The following SAMD4B variants were observed in gnomAD, a reference collection of about 807,000 sequenced individuals.
The protein encoded by SAMD4B is sterile alpha motif domain containing 4B, also known as protein Smaug homolog 2.
SAMD4B carries 5 observed loss-of-function variants against 74.5 expected under a neutral mutation model. That is an observed-to-expected ratio of 0.07 (90% CI 0.04 to 0.14). The LOEUF is 0.14. SAMD4B is among the 10% of genes least tolerant of loss of function. The pLI is 1.00. For synonymous variants in SAMD4B, 373 were observed against 374.9 expected (o/e 1.00, Z 0.06); for missense variants, 608 against 921.8 (o/e 0.66, Z 4.41).
intron 3 of SAMD4B, among the ~76,000 whole-genome samples, chr19:39,358,980 C>T (rs2076493856): frequency 6.6e-6 from 1 of 152,228 alleles, no homozygotes; most frequent in South Asian, 2.1e-4. Context: ...GACGGTTACT[C>T]AGGCCAGGGG....
At chr19:39,358,069 G>A (rs28519468) in intron 3 of SAMD4B, among the ~76,000 whole-genome samples, 3,907 of 152,142 alleles carry the variant, frequency 0.026, 162 homozygotes, top group African/African-American at 0.084. Flanking sequence ...TCGGGAGTTC[G>A]AGACCAGCCT....
downstream of SAMD4B, chr19:39,388,187 A>G: frequency 1.3e-6 from 1 of 741,530 alleles, no homozygotes; most frequent in Non-Finnish European, 2.2e-6. Flanking sequence ...AACCAAGTCC[A>G]GCTCATGTGC....
intron 7 of SAMD4B, among the ~76,000 whole-genome samples, chr19:39,377,261 A>T (rs1199222383): frequency 6.6e-6 from 1 of 152,158 alleles, no homozygotes; most frequent in Non-Finnish European, 1.5e-5. Context: ...CTCCAACATT[A>T]GACTGGCTTT....
At chr19:39,359,192 A>G (rs1302900740) in intron 3 of SAMD4B, among the ~76,000 whole-genome samples, 1 of 152,194 alleles carries the variant, frequency 6.6e-6, no homozygotes, top group African/African-American at 2.4e-5. Flanking sequence ...GGGGCAGGCC[A>G]GTGTCTTACA....
Position 39,383,430 on chromosome 19 carries a change from CCTGAGTGCCTTTT to C in SAMD4B, c.2057-66_2057-54del, listed in dbSNP as rs2145900542. 6.3e-7 allele frequency: 1 copy of C among 1,584,850 alleles called. No homozygotes were observed. Among genetic ancestry groups the C allele is most frequent in the East Asian group, 2.2e-5 (1 of 44,724 alleles). The stretch of plus-strand genomic sequence containing the variant: ...AGGGCCTGACTGGGATGACAGGCTA[CCTGAGTGCCTTTT>C]CTTGGGCCTCCCTCCAGCTCCTGAT... On this transcript the variant is annotated intron_variant, in intron 13 of 13. Transcript: ENST00000610417. This position sits in a 1 kb window ranked among gnomAD's most constrained non-coding sequence, Gnocchi z 4.1.
chr19:39,365,074 C>A lies in SAMD4B; in HGVS notation c.197-4581C>A, dbSNP rs2076874591. 1.3e-5 allele frequency among the ~76,000 whole-genome samples: 2 copies of A among 150,266 alleles called. 1 individual carries two copies. Among genetic ancestry groups the A allele is most frequent in the South Asian group, 4.2e-4 (2 of 4,764 alleles). ...CTAACACGGTGAAACCCCATCTCTA[C>A]TAAAAATACAAAAAAAAATAAATTA... On this transcript the variant is annotated intron_variant, in intron 3 of 13. Transcript: ENST00000610417.
chr19:39,365,355 A>ACTAG (rs2076899366), intron 3 of SAMD4B, among the ~76,000 whole-genome samples: 1 of 151,794 alleles, frequency 6.6e-6, no homozygotes, highest in South Asian at 2.1e-4. Flanking sequence ...GAAGCTTGAT[A>ACTAG]CTAGCATGGC....
chr19:39,390,697 C>T, downstream of SAMD4B: 1 of 1,050,012 alleles, frequency 9.5e-7, no homozygotes. Flanking sequence ...GGAACCCGCC[C>T]CCTTCGTCAA....
At chr19:39,386,703 C>T (rs552440670), downstream of SAMD4B, 6 of 1,613,196 alleles carry the variant, frequency 3.7e-6, no homozygotes, top group African/African-American at 5.3e-5. The surrounding 1 kb of genome is among the most constrained non-coding windows in gnomAD (Gnocchi z 6.1). Context: ...CCTGAGCTTC[C>T]AGTTCCTTCT....
chr19:39,362,901 T>C (rs1287171849), intron 3 of SAMD4B, among the ~76,000 whole-genome samples: 1 of 152,046 alleles, frequency 6.6e-6, no homozygotes, highest in African/African-American at 2.4e-5. Context: ...AAGTGAGTCA[T>C]CAGAGCTCAG....
At chr19:39,356,618 C>G (rs2076356511) in intron 2 of SAMD4B, 71 bp from the exon 3 acceptor site, 1 of 322,740 alleles carries the variant, frequency 3.1e-6, no homozygotes, top group East Asian at 5.4e-5. Flanking sequence ...CCTTCATGCC[C>G]CCTCAACCCA....
downstream of SAMD4B, chr19:39,389,706 T>A: frequency 6.2e-7 from 1 of 1,614,086 alleles, no homozygotes. The surrounding 1 kb of genome is among the most constrained non-coding windows in gnomAD (Gnocchi z 5.3). Flanking sequence ...TCTGGCTCAG[T>A]CAGGAGGTCA....
downstream of SAMD4B, chr19:39,389,011 G>A (rs755343894): frequency 6.2e-6 from 10 of 1,614,038 alleles, no homozygotes; most frequent in Non-Finnish European, 5.1e-6. This position sits in a 1 kb window ranked among gnomAD's most constrained non-coding sequence, Gnocchi z 5.3. Context: ...GTAATGCTGT[G>A]AGATCTGGTG....
rs746588136 is a variant in SAMD4B at position 39,380,746 on chromosome 19, T to C, written c.1809T>C (p.His603=). ...PSGIGGVSPR[H]ALTSPSLGGQ... is the part of the protein sequence containing the mutation. ...GCATTGGGGGTGTCTCCCCTCGACA[T>C]GCCCTCACCAGCCCCAGCCTTGGAG... Residue 603 remains histidine, a synonymous_variant, in exon 11 of 14, where the codon CAT becomes CAC. Coordinates refer to ENST00000610417, the MANE Select transcript of SAMD4B (RefSeq NM_001384574.2). 2 of 1,589,664 alleles carry C rather than the reference T, an allele frequency of 1.3e-6. No individual in the cohort carries two copies. The highest frequency in any genetic ancestry group is 1.1e-5 in the South Asian group (1 of 88,436).
intron 3 of SAMD4B, among the ~76,000 whole-genome samples, chr19:39,364,716 A>C (rs2076854349): frequency 6.6e-6 from 1 of 152,232 alleles, no homozygotes; most frequent in African/African-American, 2.4e-5. Context: ...TTGGGAGGGC[A>C]GGAAAGACAA....
chr19:39,352,014 T>C (rs185781909), intron 1 of SAMD4B: 57 of 152,338 alleles, frequency 3.7e-4, no homozygotes, highest in African/African-American at 1.3e-3. Flanking sequence ...GCCAAGCACA[T>C]GGGATAGAAA....
intron 12 of SAMD4B, among the ~76,000 whole-genome samples, chr19:39,382,598 G>A (rs998338518): frequency 5.9e-5 from 9 of 152,164 alleles, no homozygotes; most frequent in African/African-American, 2.2e-4. Context: ...AGGAGTCAGG[G>A]AAGGGTTTAA....
chr19:39,370,388 G>T (rs2077218057), intron 4 of SAMD4B, among the ~76,000 whole-genome samples: 1 of 152,196 alleles, frequency 6.6e-6, no homozygotes, highest in Non-Finnish European at 1.5e-5. Context: ...AAAGAATCAA[G>T]AATTTTTCCC....
downstream of SAMD4B, chr19:39,388,993 G>A: frequency 1.9e-6 from 3 of 1,614,128 alleles, no homozygotes; most frequent in Non-Finnish European, 2.5e-6. Flanking sequence ...TGTGACTCGG[G>A]GTTTGCTGTA....
Sources: gnomAD v4.1 joint callset for allele counts (sites outside exome capture counted in the v4.1 genomes callset) on GRCh38, gnomAD v4.1.1 for gene constraint, Gnocchi (gnomAD v3.1) non-coding constraint, MANE v1.5 for transcripts, NCBI Gene and HGNC (gene_info 2026-07-23, HGNC 2026-07-21) for gene names.